The following LINGO1 variants were observed in gnomAD, a reference collection of about 807,000 sequenced individuals.
The protein encoded by LINGO1 is leucine-rich repeat and immunoglobulin-like domain-containing nogo receptor-interacting protein 1.
A neutral mutation model predicts 37.3 loss-of-function variants in LINGO1; 11 were observed. That is an observed-to-expected ratio of 0.29 (90% CI 0.19 to 0.49). The LOEUF is 0.49. Ranked by LOEUF, LINGO1 falls within the 20% of genes least tolerant of loss-of-function variation. The pLI is 0.99. For missense variants in LINGO1, 585 were observed against 878.2 expected, an observed-to-expected ratio of 0.67 and a Z score of 4.22; for synonymous variants, 387 against 403.0, an observed-to-expected ratio of 0.96 and a Z score of 0.48.
At chr15:77,755,102 G>A (rs1204635525) in intron 1 of LINGO1, among the ~76,000 whole-genome samples, 9 of 152,192 alleles carry the variant, frequency 5.9e-5, no homozygotes, top group African/African-American at 2.2e-4. Context: ...CCTCCTACTA[G>A]GACCAGACTG....
Position 77,626,194 on chromosome 15 carries a change from G to T in LINGO1, c.6+6116C>A, listed in dbSNP as rs7182165. Among the ~76,000 whole-genome samples the T allele has an allele frequency of 4.8e-4, 73 of 152,006 alleles. 1 individual carries two copies. The East Asian group carries it at 0.011, about 24-fold the overall frequency. Reference sequence around the variant, plus strand: ...TAGGAAGGACCCCAGCATCCCAACCGCGGCCACTTTCTCTCCCCAACATCA... The same window carrying T: ...TAGGAAGGACCCCAGCATCCCAACCTCGGCCACTTTCTCTCCCCAACATCA... On this transcript the variant is annotated intron_variant, in intron 1 of 1. Coordinates refer to ENST00000355300, the MANE Select transcript of LINGO1 (RefSeq NM_032808.7).
At chr15:77,640,096 T>C (rs11855155) in intron 3 of LINGO1, among the ~76,000 whole-genome samples, 24,232 of 152,200 alleles carry the variant, frequency 0.16, 3,788 homozygotes, top group African/African-American at 0.41. Context: ...AAGCCAGGAC[T>C]TGGTTCCTCA....
At chr15:77,629,440 G>C (rs1010452365) in intron 1 of LINGO1, among the ~76,000 whole-genome samples, 3 of 152,086 alleles carry the variant, frequency 2.0e-5, no homozygotes, top group Admixed American at 6.6e-5. Context: ...CCTGCTCTCT[G>C]TGTCTCTGCA....
At chr15:77,668,210 A>C (rs1426189758) in intron 3 of LINGO1, 3 of 152,340 alleles carry the variant, frequency 2.0e-5, no homozygotes, top group African/African-American at 7.2e-5. Context: ...ACTGGAAGGC[A>C]CCAGCAAAGG....
intron 1 of LINGO1, among the ~76,000 whole-genome samples, chr15:77,783,429 T>A (rs538668201): frequency 1.4e-4 from 22 of 152,316 alleles, no homozygotes; most frequent in Non-Finnish European, 2.8e-4. Flanking sequence ...CAAAGTCTCC[T>A]GCCCCTACCT....
intron 2 of LINGO1, among the ~76,000 whole-genome samples, chr15:77,730,350 C>A (rs2076142545): frequency 6.6e-6 from 1 of 152,098 alleles, no homozygotes. Context: ...AAACTGAGGC[C>A]CAGAGAGCTT....
At chr15:77,735,321 C>T (rs754863639) in intron 1 of LINGO1, among the ~76,000 whole-genome samples, 4 of 152,216 alleles carry the variant, frequency 2.6e-5, no homozygotes, top group Non-Finnish European at 4.4e-5. Context: ...CCGCACAGCC[C>T]CGGAGGACAT....
intron 2 of LINGO1, among the ~76,000 whole-genome samples, chr15:77,734,175 G>A (rs950304844): frequency 6.6e-6 from 1 of 152,166 alleles, no homozygotes; most frequent in Non-Finnish European, 1.5e-5. Flanking sequence ...TAGTACTGCT[G>A]CTGCAGGCTT....
intron 1 of LINGO1, among the ~76,000 whole-genome samples, chr15:77,783,628 G>T (rs2076742565): frequency 6.6e-6 from 1 of 152,188 alleles, no homozygotes; most frequent in African/African-American, 2.4e-5. Context: ...ATAATCCCAG[G>T]TCCCAACCTC....
At chr15:77,717,923 G>A (rs1249237758) in intron 2 of LINGO1, among the ~76,000 whole-genome samples, 2 of 151,002 alleles carry the variant, frequency 1.3e-5, no homozygotes, top group Non-Finnish European at 3.0e-5. Flanking sequence ...CAGCTCATCT[G>A]GGCAGTGGAG....
intron 1 of LINGO1, among the ~76,000 whole-genome samples, chr15:77,806,025 G>A (rs1182264817): frequency 6.6e-6 from 1 of 152,156 alleles, no homozygotes; most frequent in Non-Finnish European, 1.5e-5. Flanking sequence ...CTAAGCTCGA[G>A]GTTCCCTCCA....
At chr15:77,818,010 C>T (rs745681959) in intron 1 of LINGO1, among the ~76,000 whole-genome samples, 14 of 152,212 alleles carry the variant, frequency 9.2e-5, no homozygotes, top group Admixed American at 3.3e-4. Context: ...CACCCCTCCA[C>T]ACAGCATCCA....
chr15:77,622,795 C>T (rs1207902222), intron 1 of LINGO1, among the ~76,000 whole-genome samples: 3 of 152,228 alleles, frequency 2.0e-5, no homozygotes, highest in Admixed American at 6.5e-5. Flanking sequence ...GCCAACCATC[C>T]GTTTCCCATG....
At chr15:77,761,128 G>A (rs542081924) in intron 1 of LINGO1, among the ~76,000 whole-genome samples, 5 of 151,392 alleles carry the variant, frequency 3.3e-5, no homozygotes, top group African/African-American at 9.7e-5. Context: ...TAGAGATGGG[G>A]TTTTGCCATG....
intron 1 of LINGO1, among the ~76,000 whole-genome samples, chr15:77,735,349 C>T (rs1214933284): frequency 6.6e-6 from 1 of 152,222 alleles, no homozygotes; most frequent in East Asian, 1.9e-4. Flanking sequence ...AGACTTGCAG[C>T]GCAGCCCCCA....
intron 1 of LINGO1, among the ~76,000 whole-genome samples, chr15:77,802,702 G>A (rs2076929628): frequency 6.6e-6 from 1 of 152,062 alleles, no homozygotes; most frequent in African/African-American, 2.4e-5. Context: ...CCTAATGAGT[G>A]GTGAATGACA....
intron 1 of LINGO1, among the ~76,000 whole-genome samples, chr15:77,754,703 G>A (rs1168471209): frequency 6.6e-6 from 1 of 152,204 alleles, no homozygotes; most frequent in East Asian, 1.9e-4. Flanking sequence ...CCAGCCCTAG[G>A]CCCTGCCTCT....
intron 1 of LINGO1, among the ~76,000 whole-genome samples, chr15:77,772,682 G>C (rs2076597750): frequency 6.8e-6 from 1 of 146,120 alleles, no homozygotes; most frequent in Non-Finnish European, 1.5e-5. Flanking sequence ...TGCAGAAAAA[G>C]GTCCATTAAC....
intron 1 of LINGO1, among the ~76,000 whole-genome samples, chr15:77,693,139 G>A (rs2075634074): frequency 6.6e-6 from 1 of 152,128 alleles, no homozygotes; most frequent in Admixed American, 6.5e-5. Flanking sequence ...AGCCACAATG[G>A]CATCATCTGC....
Sources: allele counts gnomAD v4.1 joint callset (sites outside exome capture counted in the v4.1 genomes callset), GRCh38; gene constraint gnomAD v4.1.1; transcripts MANE v1.5; gene names NCBI Gene and HGNC (gene_info 2026-07-23, HGNC 2026-07-21).